Variants in VIPR2 observed in about 807,000 individuals in gnomAD.
VIPR2 encodes vasoactive intestinal polypeptide receptor 2.
VIPR2 carries 48 observed loss-of-function variants against 58.0 expected under a neutral mutation model. The observed-to-expected ratio is 0.83, with a 90% confidence interval of 0.66 to 1.05. The LOEUF is 1.05. Ranked by LOEUF, VIPR2 falls within the 50% of genes least tolerant of loss-of-function variation. The pLI is 0.00. For missense variants in VIPR2, 534 were observed against 558.0 expected (o/e 0.96, Z 0.43); for synonymous variants, 243 against 235.2 (o/e 1.03, Z -0.30).
At chr7:159,076,037 CT>C (rs1026653030) in intron 4 of VIPR2, among the ~76,000 whole-genome samples, 1 of 152,244 alleles carries the variant, frequency 6.6e-6, no homozygotes, top group Non-Finnish European at 1.5e-5. Flanking sequence ...GTGGGTCACC[CT>C]GTTCTGTACA....
chr7:159,069,231 C>A (rs1483774811), intron 4 of VIPR2, among the ~76,000 whole-genome samples: 1 of 152,182 alleles, frequency 6.6e-6, no homozygotes, highest in Non-Finnish European at 1.5e-5. Flanking sequence ...ACTTTTTCTT[C>A]CTGTCAGTTC....
intron 4 of VIPR2, among the ~76,000 whole-genome samples, chr7:159,084,234 G>A (rs555521408): frequency 3.9e-4 from 60 of 152,398 alleles, no homozygotes; most frequent in African/African-American, 1.3e-3. Context: ...GAGTTCTGCA[G>A]GCAGGCAGTG....
At chr7:159,144,262 T>C (rs1022412355) in intron 1 of VIPR2, 15 of 1,334,606 alleles carry the variant, frequency 1.1e-5, no homozygotes, top group Non-Finnish European at 1.4e-5. Context: ...AAACTTTATT[T>C]AACCGACGCC....
At chr7:159,102,934 C>T (rs1451416180) in intron 4 of VIPR2, among the ~76,000 whole-genome samples, 3 of 152,212 alleles carry the variant, frequency 2.0e-5, no homozygotes, top group Non-Finnish European at 4.4e-5. Context: ...TGCTATGGTG[C>T]CCGCCACCCA....
At chr7:159,138,668 T>C (rs1036000978) in intron 2 of VIPR2, among the ~76,000 whole-genome samples, 11 of 152,166 alleles carry the variant, frequency 7.2e-5, no homozygotes, top group Admixed American at 1.3e-4. Flanking sequence ...CGAGCACATG[T>C]GTGAAGAGTA....
At chr7:159,033,003 G>T (rs143542703) in intron 10 of VIPR2, among the ~76,000 whole-genome samples, 1 of 151,878 alleles carries the variant, frequency 6.6e-6, no homozygotes, top group South Asian at 2.1e-4. Context: ...AAGCAGAGAC[G>T]GGATACTCCC....
chr7:159,062,855 A>C (rs1188497739), intron 4 of VIPR2, among the ~76,000 whole-genome samples: 1 of 134,914 alleles, frequency 7.4e-6, no homozygotes, highest in East Asian at 2.2e-4. Context: ...TTTTACTGAG[A>C]GCTGATTGGT....
At position 159,030,780 on chromosome 7, in the gene VIPR2, C is replaced by T. The variant is rs1165650942; in HGVS notation, c.1153G>A (p.Glu385Lys). ...CGGCTTCGCCATTTTCGCTTCAGCT[C>T]GCACTGCACCTGGGAGGTGAGGGCA... ...YCFLNSEVQC[E>K]LKRKWRSRCP... The change falls in exon 13 of 13, where the codon GAG (glutamate) becomes AAG (lysine). Residue 385 changes from glutamate to lysine, a missense_variant. Glu to Lys is a moderately conservative substitution (Grantham distance 56). This residue lies in a region of VIPR2 where 306 missense variants were observed against 285.8 expected (regional missense o/e 1.07). Coordinates refer to ENST00000262178, the MANE Select transcript of VIPR2 (RefSeq NM_003382.5). 6.9e-6 allele frequency: 11 copies of T among 1,591,528 alleles called. No individual in the cohort carries two copies. Among genetic ancestry groups the T allele is most frequent in the Non-Finnish European group, 9.4e-6 (11 of 1,169,584 alleles).
intron 4 of VIPR2, among the ~76,000 whole-genome samples, chr7:159,085,826 A>C (rs1427484356): frequency 1.3e-5 from 2 of 152,166 alleles, no homozygotes; most frequent in Admixed American, 6.5e-5. Flanking sequence ...GCCAGGGCAA[A>C]GATCGGCAGT....
intron 4 of VIPR2, among the ~76,000 whole-genome samples, chr7:159,066,103 C>G (rs969964621): frequency 2.0e-5 from 3 of 151,844 alleles, no homozygotes; most frequent in African/African-American, 4.8e-5. Context: ...CTGCAGCGTC[C>G]GTGGGATTCC....
chr7:159,109,426 A>T (rs759242490), intron 3 of VIPR2, among the ~76,000 whole-genome samples: 92 of 152,318 alleles, frequency 6.0e-4, no homozygotes, highest in Non-Finnish European at 1.1e-3. Flanking sequence ...TGGGTGCCAC[A>T]CTTCCCACTT....
chr7:159,037,194 GC>G (rs1854021758), intron 6 of VIPR2, among the ~76,000 whole-genome samples: 1 of 152,210 alleles, frequency 6.6e-6, no homozygotes, highest in African/African-American at 2.4e-5. Context: ...TCCTAGACAG[GC>G]CGCACAGCTC....
rs548703300 is a variant in VIPR2, at chr7:159,032,288, CG to C, written c.972-222del. ...ACTCAGGGCCTGGGAACGTGCATTC[CG>C]GAAGTGTCCGTTTCTCCCAAATTCC... On this transcript the variant is annotated intron_variant, in intron 10 of 12. Coordinates refer to ENST00000262178, the MANE Select transcript of VIPR2 (RefSeq NM_003382.5). Among the ~76,000 whole-genome samples, 373 of 152,306 alleles carry C rather than the reference CG, an allele frequency of 2.4e-3. 3 individuals carry two copies. Among genetic ancestry groups the C allele is most frequent in the African/African-American group, 8.4e-3 (351 of 41,564 alleles).
intron 12 of VIPR2, 47 bp from the exon 13 acceptor site, chr7:159,030,836 GGGC>G (rs1452020256): frequency 2.0e-6 from 3 of 1,466,550 alleles, no homozygotes; most frequent in Admixed American, 4.7e-5. Flanking sequence ...GGGCAGGTGC[GGGC>G]GGCTGCTATG....
At chr7:159,034,702 A>G in intron 8 of VIPR2, 52 bp from the exon 9 acceptor site, 1 of 1,538,904 alleles carries the variant, frequency 6.5e-7, no homozygotes, top group Non-Finnish European at 9.0e-7. Flanking sequence ...TTCGCAAGAC[A>G]GGTACAGAAG....
intron 4 of VIPR2, among the ~76,000 whole-genome samples, chr7:159,068,354 A>G (rs1277813522): frequency 6.6e-6 from 1 of 152,222 alleles, no homozygotes; most frequent in Non-Finnish European, 1.5e-5. Context: ...AGAGAAATCA[A>G]GCACACTCAG....
chr7:159,125,987 T>C (rs117102599), intron 2 of VIPR2, among the ~76,000 whole-genome samples: 2,067 of 152,294 alleles, frequency 0.014, 29 homozygotes, highest in Admixed American at 0.033. Context: ...TTAGTGTTTA[T>C]GGTTAAACAA....
chr7:159,078,887 C>T (rs145498811), intron 4 of VIPR2, among the ~76,000 whole-genome samples: 89 of 152,218 alleles, frequency 5.8e-4, no homozygotes, highest in African/African-American at 1.9e-3. Context: ...CATTTTTGGA[C>T]GCTAGGTGTT....
intron 4 of VIPR2, among the ~76,000 whole-genome samples, chr7:159,101,382 C>A (rs1466503939): frequency 8.0e-6 from 1 of 125,232 alleles, no homozygotes; most frequent in African/African-American, 3.1e-5. Context: ...TCCGACGAGG[C>A]GGTTCCGACC....
Sources: allele counts gnomAD v4.1 joint callset (sites outside exome capture counted in the v4.1 genomes callset), GRCh38; gene constraint gnomAD v4.1.1; regional missense constraint gnomAD v4.1.1; transcripts MANE v1.5; gene names NCBI Gene and HGNC (gene_info 2026-07-23, HGNC 2026-07-21).